GRIN2B: variants seen among roughly 807,000 people sequenced by gnomAD.
The protein encoded by GRIN2B is glutamate receptor ionotropic, NMDA 2B.
Under a neutral mutation model 114.5 loss-of-function variants are expected in GRIN2B, and 5 were observed. That is an observed-to-expected ratio of 0.04 (90% confidence interval 0.02 to 0.09). GRIN2B has a LOEUF of 0.09. GRIN2B is among the 10% of genes least tolerant of loss of function. The pLI is 1.00. For synonymous variants in GRIN2B, 787 were observed against 745.1 expected (o/e 1.06, Z -0.92); for missense variants, 1,108 against 1,943.5 (o/e 0.57, Z 8.08).
intron 4 of GRIN2B, among the ~76,000 whole-genome samples, chr12:13,705,687 A>T (rs1032667196): frequency 6.6e-6 from 1 of 152,198 alleles, no homozygotes; most frequent in Non-Finnish European, 1.5e-5. Flanking sequence ...TCTCCAAAGC[A>T]GTTACTTTGA....
intron 3 of GRIN2B, among the ~76,000 whole-genome samples, chr12:13,798,814 G>C (rs1864459007): frequency 6.6e-6 from 1 of 152,160 alleles, no homozygotes; most frequent in African/African-American, 2.4e-5. Context: ...ATGGATCTTA[G>C]AACATGTCCT....
intron 2 of GRIN2B, among the ~76,000 whole-genome samples, chr12:13,934,037 G>C (rs1006083636): frequency 2.0e-5 from 3 of 152,222 alleles, no homozygotes; most frequent in Admixed American, 6.5e-5. Flanking sequence ...TATGCACATA[G>C]AGGCATGAAT....
chr12:13,639,927 C>A (rs1454275287), intron 5 of GRIN2B, among the ~76,000 whole-genome samples: 3 of 151,956 alleles, frequency 2.0e-5, no homozygotes, highest in African/African-American at 7.3e-5. Context: ...TTCTCTTCTT[C>A]TTTTTACACT....
chr12:13,599,150 A>G (rs934042554), intron 10 of GRIN2B, among the ~76,000 whole-genome samples: 4 of 152,176 alleles, frequency 2.6e-5, no homozygotes, highest in African/African-American at 9.7e-5. Flanking sequence ...GTGTTTTCAG[A>G]GTGTCAGCCA....
At chr12:13,588,838 G>A (rs1220396057) in intron 10 of GRIN2B, among the ~76,000 whole-genome samples, 1 of 152,168 alleles carries the variant, frequency 6.6e-6, no homozygotes, top group African/African-American at 2.4e-5. Context: ...CACAGCAGAA[G>A]GTTCAGAAAT....
At chr12:13,955,492 C>A (rs1455875146) in intron 2 of GRIN2B, among the ~76,000 whole-genome samples, 2 of 152,158 alleles carry the variant, frequency 1.3e-5, no homozygotes, top group African/African-American at 4.8e-5. Flanking sequence ...AGGGTAGAAC[C>A]TGTGAGGCAT....
At chr12:13,647,766 T>G (rs974222920) in intron 5 of GRIN2B, among the ~76,000 whole-genome samples, 6 of 151,950 alleles carry the variant, frequency 3.9e-5, no homozygotes. Flanking sequence ...CTGCTCCACC[T>G]AGGAAAAAGC....
chr12:13,577,471 G>C (rs1209946130), intron 10 of GRIN2B, among the ~76,000 whole-genome samples: 1 of 152,182 alleles, frequency 6.6e-6, no homozygotes, highest in Non-Finnish European at 1.5e-5. Context: ...CCCCCACCCA[G>C]AGATGAGCAG....
chr12:13,584,801 G>A (rs1948897820), intron 10 of GRIN2B, among the ~76,000 whole-genome samples: 1 of 152,232 alleles, frequency 6.6e-6, no homozygotes, highest in South Asian at 2.1e-4. Flanking sequence ...AGAGGCATAA[G>A]GACAGAGGCA....
At chr12:13,880,786 T>C (rs1022556052) in intron 2 of GRIN2B, among the ~76,000 whole-genome samples, 2 of 152,264 alleles carry the variant, frequency 1.3e-5, no homozygotes, top group African/African-American at 4.8e-5. Context: ...CCTGGGCTAC[T>C]GCCTGCAACT....
intron 5 of GRIN2B, among the ~76,000 whole-genome samples, chr12:13,650,041 C>T (rs78981220): frequency 6.6e-6 from 1 of 152,200 alleles, no homozygotes; most frequent in East Asian, 1.9e-4. Flanking sequence ...ATGCCCTGCA[C>T]TGCCCAGGCT....
At chr12:13,872,594 C>T (rs570959024) in intron 2 of GRIN2B, among the ~76,000 whole-genome samples, 1 of 152,090 alleles carries the variant, frequency 6.6e-6, no homozygotes, top group South Asian at 2.1e-4. Flanking sequence ...TAATTCACCA[C>T]ATTAAAGAAC....
At chr12:13,631,564 C>G (rs1344468002) in intron 5 of GRIN2B, among the ~76,000 whole-genome samples, 4 of 152,182 alleles carry the variant, frequency 2.6e-5, no homozygotes. Context: ...TAGAGAGTAA[C>G]AAATGATGTG....
At chr12:13,910,963 T>C (rs944852281) in intron 2 of GRIN2B, among the ~76,000 whole-genome samples, 2 of 152,082 alleles carry the variant, frequency 1.3e-5, no homozygotes, top group Non-Finnish European at 2.9e-5. Context: ...CTTCTCTCCT[T>C]GTCTAGCCAT....
intron 10 of GRIN2B, among the ~76,000 whole-genome samples, chr12:13,603,254 A>G (rs757019908): frequency 1.3e-5 from 2 of 152,230 alleles, no homozygotes; most frequent in African/African-American, 4.8e-5. Context: ...TATCTATCTA[A>G]TTATTATGGC....
intron 10 of GRIN2B, among the ~76,000 whole-genome samples, chr12:13,575,550 C>T (rs951134140): frequency 1.1e-4 from 16 of 151,852 alleles, no homozygotes; most frequent in Admixed American, 5.2e-4. Flanking sequence ...TCCCAGCTAC[C>T]TGGGAGGCTG....
In GRIN2B at chr12:13,551,342, G is replaced by C. The variant is rs1429014789; in HGVS notation, c.*11441C>G. 6.6e-6 allele frequency: 1 copy of C among 152,142 alleles called. No homozygotes were observed. The highest frequency in any genetic ancestry group is 1.5e-5 in the Non-Finnish European group (1 of 68,034). 9.4% of individuals were successfully genotyped at this position (152,142 alleles called of 1,614,324 possible). A position where few individuals can be genotyped will look rare whatever the true frequency, so the allele number is the denominator to read the frequency against. On this transcript the variant is annotated 3_prime_UTR_variant, in exon 14 of 14. Transcript: ENST00000609686. ...AGGACTGTCTGTTCTCAGGGGGACT[G>C]GCTTCTGCTTCTCCATCCTCTTAGT...
Position 13,866,226 on chromosome 12 carries a change from C to T in GRIN2B, c.-18G>A, listed in dbSNP as rs200252995. ...GGCTTCATCTTCAACTCGTCGACTC[C>T]CTGCAAACACAAAGAAAGAGCATGT... is the stretch of plus-strand genomic sequence containing the variant. On this transcript the variant is annotated splice_region_variant and 5_prime_UTR_variant, in exon 3 of 14. Transcript: ENST00000609686. 28 of 1,602,564 alleles carry T rather than the reference C, an allele frequency of 1.7e-5. No individual in the cohort carries two copies. Among genetic ancestry groups the T allele is most frequent in the Admixed American group, 3.3e-5 (2 of 60,004 alleles).
intron 10 of GRIN2B, among the ~76,000 whole-genome samples, chr12:13,602,579 G>C (rs1949175388): frequency 6.6e-6 from 1 of 152,174 alleles, no homozygotes; most frequent in African/African-American, 2.4e-5. Context: ...GGGTAGTTGT[G>C]GAGTAAATTT....
Sources: gnomAD v4.1 joint callset for allele counts (sites outside exome capture counted in the v4.1 genomes callset) on GRCh38, gnomAD v4.1.1 for gene constraint, MANE v1.5 for transcripts, NCBI Gene and HGNC (gene_info 2026-07-23, HGNC 2026-07-21) for gene names.